Variants in SHANK2 observed in about 807,000 individuals in gnomAD.
SHANK2 encodes SH3 and multiple ankyrin repeat domains protein 2.
A neutral mutation model predicts 133.7 loss-of-function variants in SHANK2; 43 were observed. That is an observed-to-expected ratio of 0.32 (90% CI 0.25 to 0.41). SHANK2 has a LOEUF of 0.41. SHANK2 is among the 10% of genes least tolerant of loss of function. SHANK2 has a pLI of 1.00. For synonymous variants in SHANK2, 1,017 were observed against 952.8 expected, an observed-to-expected ratio of 1.07 and a Z score of -1.24; for missense variants, 1,994 against 2,235.8, an observed-to-expected ratio of 0.89 and a Z score of 2.18.
chr11:70,771,027 CGATA>C (rs1947239181), intron 14 of SHANK2, among the ~76,000 whole-genome samples: 1 of 147,686 alleles, frequency 6.8e-6, no homozygotes, highest in Admixed American at 6.9e-5. Flanking sequence ...CAGGCTCAAG[CGATA>C]CACCCACCTC....
intron 17 of SHANK2, among the ~76,000 whole-genome samples, chr11:70,612,327 C>A (rs991407347): frequency 1.3e-5 from 2 of 152,178 alleles, no homozygotes; most frequent in African/African-American, 4.8e-5. Flanking sequence ...CCATCTCTGA[C>A]AGAGGCAAGA....
chr11:71,186,627 G>A (rs782689354), intron 2 of SHANK2, among the ~76,000 whole-genome samples: 9 of 152,216 alleles, frequency 5.9e-5, no homozygotes, highest in East Asian at 3.9e-4. Flanking sequence ...AGAGACCTTC[G>A]GGTATGTAAG....
Position 70,488,965 on chromosome 11 carries a change from C to T in SHANK2, c.2572+363G>A, listed in dbSNP as rs954663689. 3.5e-5 allele frequency: 10 copies of T among 289,170 alleles called. No individual in the cohort carries two copies. The Admixed American group carries it at 4.4e-4, about 13-fold the overall frequency. 17.9% of individuals were successfully genotyped at this position (289,170 alleles called of 1,614,324 possible). Reference sequence around the variant, plus strand: ...AACAGGAGCACTTGGAGAAGGGAAGCGAGACACGCACACACACCGACAGAC... The same window carrying T: ...AACAGGAGCACTTGGAGAAGGGAAGTGAGACACGCACACACACCGACAGAC... On this transcript the variant is annotated intron_variant, in intron 24 of 25. Transcript: ENST00000601538.
At chr11:70,944,007 G>A (rs1950684221) in intron 10 of SHANK2, 2 of 455,874 alleles carry the variant, frequency 4.4e-6, no homozygotes, top group African/African-American at 4.0e-5. Context: ...GACAGCCACA[G>A]GCCCACTTGG....
At chr11:71,209,730 A>C (rs923424288) in intron 2 of SHANK2, among the ~76,000 whole-genome samples, 2 of 152,194 alleles carry the variant, frequency 1.3e-5, no homozygotes, top group Non-Finnish European at 2.9e-5. Context: ...CTGGACTACC[A>C]AACAGCACAT....
At chr11:70,494,289 G>T (rs1194171438) in intron 21 of SHANK2, among the ~76,000 whole-genome samples, 1 of 152,174 alleles carries the variant, frequency 6.6e-6, no homozygotes, top group East Asian at 1.9e-4. Flanking sequence ...CCCCCACCGG[G>T]CCAGAACCTC....
intron 2 of SHANK2, among the ~76,000 whole-genome samples, chr11:71,169,793 G>A (rs1054644429): frequency 2.0e-5 from 3 of 149,380 alleles, no homozygotes; most frequent in African/African-American, 7.4e-5. Context: ...TGTAAAACTA[G>A]ATACTGATTT....
At chr11:70,768,860 G>A (rs1947183743) in intron 14 of SHANK2, among the ~76,000 whole-genome samples, 1 of 152,088 alleles carries the variant, frequency 6.6e-6, no homozygotes, top group South Asian at 2.1e-4. Context: ...CCCTGCACAT[G>A]GGAAGAGGGG....
Position 70,510,814 on chromosome 11 carries a change from C to T in SHANK2, c.2062-7883G>A, listed in dbSNP as rs115576566. On this transcript the variant is annotated intron_variant, in intron 17 of 25. Coordinates refer to ENST00000601538, the MANE Select transcript of SHANK2 (RefSeq NM_012309.5). ...GGAGCCCATGCTCCCAGCTGCCTTC[C>T]CCTTTCCTGGTGAAGAGGAAGTGTG... Among the ~76,000 whole-genome samples, 1,264 of 152,314 alleles carry T rather than the reference C, an allele frequency of 8.3e-3. 11 individuals carry two copies. The highest frequency in any genetic ancestry group is 0.029 in the African/African-American group (1,200 of 41,572).
intron 11 of SHANK2, among the ~76,000 whole-genome samples, chr11:70,889,392 G>T (rs1555074207): frequency 6.6e-6 from 1 of 152,200 alleles, no homozygotes; most frequent in Admixed American, 6.5e-5. Context: ...AAAACAGGGA[G>T]ACAGTCAATT....
At position 70,485,417 on chromosome 11, in the gene SHANK2, C is replaced by T; in HGVS notation, c.4876G>A (p.Glu1626Lys). The change falls in exon 25 of 26, where the codon GAA becomes AAA. Residue 1626 changes from glutamate (E) to lysine (K), a missense_variant. Physicochemically the swap from Glu to Lys is moderately conservative, Grantham distance 56. Around this residue, in one of 5 missense-constraint regions of SHANK2, gnomAD observed 797 missense variants for 907.4 expected, o/e 0.88. Transcript: ENST00000601538. This position sits in a 1 kb window ranked among gnomAD's most constrained non-coding sequence, Gnocchi z 5.8. ...ATTTGCTGTAGGATAGAGTTCAATT[C>T]ACTAATAACGTTTGCCTTTGGGCCT... ...LSGPKANVIS[E>K]LNSILQQMNR... is the part of the protein sequence containing the mutation. 1 of 1,614,058 alleles carries T rather than the reference C, an allele frequency of 6.2e-7. No homozygotes were observed. The highest frequency in any genetic ancestry group is 1.1e-5 in the South Asian group (1 of 91,074).
chr11:71,163,909 T>C (rs1284170551), intron 2 of SHANK2, among the ~76,000 whole-genome samples: 1 of 152,222 alleles, frequency 6.6e-6, no homozygotes, highest in Non-Finnish European at 1.5e-5. Context: ...TAATAGGCTT[T>C]ATTTTTCTAG....
At position 71,147,343 on chromosome 11, in the gene SHANK2, G is replaced by C. The variant is rs192011527; in HGVS notation, c.-12-5C>G. On this transcript the variant is annotated splice_polypyrimidine_tract_variant and splice_region_variant and intron_variant, in intron 2 of 25. Transcript: ENST00000601538. ...GCGCGGCATGGCTGCCTGTGTCTTC[G>C]AGGTGGGGAGAAGGAAGACAAAGAA... 2.6e-6 allele frequency: 4 copies of C among 1,540,540 alleles called. No individual in the cohort carries two copies. Among genetic ancestry groups the C allele is most frequent in the Middle Eastern group, 1.7e-4 (1 of 5,950 alleles).
chr11:70,609,321 C>T (rs1190311148), intron 17 of SHANK2, among the ~76,000 whole-genome samples: 1 of 152,166 alleles, frequency 6.6e-6, no homozygotes, highest in Non-Finnish European at 1.5e-5. Context: ...TCACAGGAGG[C>T]CCCAGGAGGT....
chr11:70,688,961 T>C (rs532289616), intron 15 of SHANK2, among the ~76,000 whole-genome samples: 7 of 152,358 alleles, frequency 4.6e-5, no homozygotes, highest in South Asian at 2.1e-4. Context: ...CCTATGTCTA[T>C]CTTTGCTTAG....
At chr11:70,642,307 C>T (rs563678411) in intron 17 of SHANK2, among the ~76,000 whole-genome samples, 5 of 131,110 alleles carry the variant, frequency 3.8e-5, no homozygotes, top group Middle Eastern at 5.2e-3. Flanking sequence ...TTTGATTTTC[C>T]GTTCGATTCA....
At chr11:71,078,541 T>C (rs1055397822) in intron 8 of SHANK2, among the ~76,000 whole-genome samples, 2 of 152,146 alleles carry the variant, frequency 1.3e-5, no homozygotes, top group African/African-American at 2.4e-5. Flanking sequence ...ATCTATTAAT[T>C]ACAAAGGAGC....
At chr11:70,758,115 A>C (rs1946912186) in intron 14 of SHANK2, among the ~76,000 whole-genome samples, 2 of 152,214 alleles carry the variant, frequency 1.3e-5, no homozygotes, top group Admixed American at 1.3e-4. Flanking sequence ...TAAAATGCTA[A>C]TTAGGCAAAA....
chr11:70,524,135 C>T (rs782186439), intron 17 of SHANK2, among the ~76,000 whole-genome samples: 2 of 152,172 alleles, frequency 1.3e-5, no homozygotes, highest in African/African-American at 2.4e-5. Context: ...CAGGTGGCGA[C>T]GGGATCCCAT....
Sources: allele counts gnomAD v4.1 joint callset (sites outside exome capture counted in the v4.1 genomes callset), GRCh38; gene constraint gnomAD v4.1.1; regional missense constraint gnomAD v4.1.1; non-coding constraint Gnocchi (gnomAD v3.1); transcripts MANE v1.5; gene names NCBI Gene and HGNC (gene_info 2026-07-23, HGNC 2026-07-21).